Variants in MUC4 observed in about 807,000 individuals in gnomAD.
MUC4 encodes mucin 4, cell surface associated.
Under a neutral mutation model 257.9 loss-of-function variants are expected in MUC4, and 202 were observed. That is an observed-to-expected ratio of 0.78 (90% CI 0.70 to 0.88). The LOEUF is 0.88. Ranked by LOEUF, MUC4 falls within the 40% of genes least tolerant of loss-of-function variation. MUC4 has a pLI of 0.00. For missense variants in MUC4, 5,976 were observed against 6,513.7 expected (o/e 0.92, Z 2.84); for synonymous variants, 2,351 against 2,757.1 (o/e 0.85, Z 4.62).
intron 3 of MUC4, among the ~76,000 whole-genome samples, chr3:195,775,727 ATACCTTCCACACCCT>A (rs1724432752): frequency 4.8e-5 from 1 of 20,856 alleles, no homozygotes; most frequent in Non-Finnish European, 8.3e-5. Flanking sequence ...TTCCACATCC[ATACCTTCCACACCCT>A]TACCTTCCAC....
chr3:195,770,147 C>T (rs115634085), intron 6 of MUC4, 69 bp downstream of exon 6: 3 of 1,401,992 alleles, frequency 2.1e-6, no homozygotes, highest in Non-Finnish European at 1.9e-6. Flanking sequence ...GGAAGAGTGG[C>T]CCCTGCCTAG....
At position 195,762,846 on chromosome 3, in the gene MUC4, C is replaced by G; in HGVS notation, c.14344+9G>C. The G allele has an allele frequency of 6.4e-7, 1 of 1,552,010 alleles. No homozygotes were observed. The highest frequency in any genetic ancestry group is 8.7e-7 in the Non-Finnish European group (1 of 1,149,642). ...GCGGGGAGGGGGCGGCCGGCGCTCC[C>G]CAACCTACCTCCGCCGTCTTCATGG... On this transcript the variant is annotated intron_variant, in intron 13 of 24. Transcript: ENST00000463781.
rs1366729379 is a variant in MUC4, at chr3:195,762,223, G to A, written c.14376C>T (p.Leu4792=). ...AGACCTCAGAGCCGTTGCGGCTCAG[G>A]AGGACTCCGGTGGCGTTGAACGTCT... ...GQETFNATGV[L]LSRNGSEVSA... Residue 4792 remains leucine (L), a synonymous_variant, in exon 14 of 25, where the codon CTC becomes CTT. Coordinates refer to ENST00000463781, the MANE Select transcript of MUC4 (RefSeq NM_018406.7). 11 of 1,592,376 alleles carry A rather than the reference G, an allele frequency of 6.9e-6. No homozygotes were observed. Among genetic ancestry groups the A allele is most frequent in the Admixed American group, 1.7e-5 (1 of 57,270 alleles).
rs187652903 is a variant in MUC4 at position 195,760,897 on chromosome 3, C to T, written c.14835G>A (p.Ala4945=). Residue 4945 remains alanine (A), a synonymous_variant, in exon 16 of 25, where the codon GCG becomes GCA. Transcript: ENST00000463781. ...CGGGCCACTTACTGAGGGTGGCGTT[C>T]GCCTGCTCGTAGTTTTTACTGACTT... ...TREVSKNYEQ[A]NATLNQYPPS... is the part of the protein sequence containing the mutation. 49 of 1,614,094 alleles carry T rather than the reference C, an allele frequency of 3.0e-5. No homozygotes were observed. In the African/African-American group the frequency reaches 4.4e-4, roughly 14 times the overall value.
Position 195,784,497 on chromosome 3 carries a change from T to C in MUC4, c.7083A>G (p.Val2361=), listed in dbSNP as rs1484143994. The change falls in exon 2 of 25, where the codon GTA becomes GTG. Residue 2361 remains valine, a synonymous_variant. Transcript: ENST00000463781. ...GAAGAGGGGTGGTGTCACCTGTGGA[T>C]ACTGAGGAAGCGTCGGTGACATGAA... The part of the protein sequence containing the change: ...TPLHVTDASS[V]STGDTTPLPV... The C allele has an allele frequency of 9.8e-6, 15 of 1,533,712 alleles. 1 individual carries two copies. The African/African-American group carries it at 1.5e-4, about 16-fold the overall frequency.
At position 195,778,834 on chromosome 3, in the gene MUC4, G is replaced by C. The variant is rs762848672; in HGVS notation, c.12746C>G (p.Ala4249Gly). 1.2e-6 allele frequency: 2 copies of C among 1,612,086 alleles called. No individual in the cohort carries two copies. Among genetic ancestry groups the C allele is most frequent in the African/African-American group, 2.7e-5 (2 of 74,880 alleles). ...TPLAVSSATS[A>G]STVSSDSPLK... ...AGGGGAGTCCGAGGATACTGTGGAA[G>C]CTGAGGTAGCACTGCTGACAGCAAG... is the stretch of plus-strand genomic sequence containing the variant. The change falls in exon 2 of 25, where the codon GCT (alanine) becomes GGT (glycine). Residue 4249 changes from alanine to glycine, a missense_variant. Around this residue, in one of 44 missense-constraint regions of MUC4, gnomAD observed 233 missense variants for 171.2 expected, o/e 1.36. Transcript: ENST00000463781.
chr3:195,762,371 G>T, intron 13 of MUC4, 117 bp from the exon 14 acceptor site: 3 of 1,153,974 alleles, frequency 2.6e-6, no homozygotes. Context: ...AAGCCGGGAG[G>T]GGTCTGCACT....
intron 1 of MUC4, among the ~76,000 whole-genome samples, chr3:195,808,163 G>A (rs976627357): frequency 2.0e-5 from 3 of 152,144 alleles, no homozygotes; most frequent in Admixed American, 6.5e-5. Flanking sequence ...GTGCCATTCC[G>A]GGTTCAATCA....
Position 195,788,863 on chromosome 3 carries a change from C to CGGGA in MUC4, c.2713_2716dup (p.Arg906LeufsTer16). On this transcript the variant is annotated frameshift_variant, in exon 2 of 25. Transcript: ENST00000463781. LOFTEE classifies it high-confidence loss of function. ...TCTTGTCCTCTGAGTCTGGGCCATCCGGGAAATGGCGGCTGTCTCCTGAGG... is the reference window on the plus strand; with the variant it reads ...TCTTGTCCTCTGAGTCTGGGCCATCCGGGAGGGAAATGGCGGCTGTCTCCTGAGG... 6.2e-7 allele frequency: 1 copy of CGGGA among 1,613,748 alleles called. No homozygotes were observed. The highest frequency in any genetic ancestry group is 8.5e-7 in the Non-Finnish European group (1 of 1,179,812).
chr3:195,767,928 C>G (rs1291837411), intron 7 of MUC4, among the ~76,000 whole-genome samples: 1 of 124,078 alleles, frequency 8.1e-6, no homozygotes, highest in Non-Finnish European at 1.8e-5. Flanking sequence ...ACTGCCACCT[C>G]CACCGCCACT....
chr3:195,747,117 C>T lies in MUC4; in HGVS notation c.*59G>A. The T allele has an allele frequency of 6.2e-7, 1 of 1,602,932 alleles. No individual in the cohort carries two copies. Among genetic ancestry groups the T allele is most frequent in the Non-Finnish European group, 8.5e-7 (1 of 1,171,222 alleles). ...TCCAGTCTCCCAAAAGCAATGGCGC[C>T]TTAAATGTGCGGTAAGGATGAGGTG... is the stretch of plus-strand genomic sequence containing the variant. On this transcript the variant is annotated 3_prime_UTR_variant, in exon 25 of 25. Transcript: ENST00000463781.
At chr3:195,754,711 C>CATGA (rs1346667806) in intron 18 of MUC4, among the ~76,000 whole-genome samples, 1 of 150,852 alleles carries the variant, frequency 6.6e-6, no homozygotes, top group South Asian at 2.1e-4. Context: ...ATGATTGAAG[C>CATGA]ATGAATGAAT....
At position 195,752,380 on chromosome 3, in the gene MUC4, T is replaced by C. The variant is rs752650324; in HGVS notation, c.15575A>G (p.Asn5192Ser). 1.2e-6 allele frequency: 2 copies of C among 1,613,600 alleles called. No homozygotes were observed. The highest frequency in any genetic ancestry group is 1.7e-5 in the Admixed American group (1 of 60,030). ...GCGGCCTGCAGCACTGACCGAGGCG[T>C]TGACTTCTGCCATGGAGGCATTTTC... is the stretch of plus-strand genomic sequence containing the variant. Reference protein sequence around the residue: ...EEENASMAEVNASVAYRLGTL... With the variant: ...EEENASMAEVSASVAYRLGTL... The change falls in exon 21 of 25, where the codon AAC becomes AGC. Residue 5192 changes from asparagine to serine, a missense_variant. This residue lies in a region of MUC4 where 996 missense variants were observed against 1,137.3 expected (regional missense o/e 0.88). Transcript: ENST00000463781.
chr3:195,748,570 A>G (rs1354202297), intron 24 of MUC4, among the ~76,000 whole-genome samples: 1 of 152,246 alleles, frequency 6.6e-6, no homozygotes, highest in Non-Finnish European at 1.5e-5. Context: ...CTCAAAACAT[A>G]AAAATATAAA....
chr3:195,765,670 C>A (rs750161460), intron 8 of MUC4, among the ~76,000 whole-genome samples: 1 of 152,224 alleles, frequency 6.6e-6, no homozygotes, highest in Non-Finnish European at 1.5e-5. Context: ...ACAAATAGAA[C>A]TGGATTTACA....
At chr3:195,796,221 T>C (rs1248462671) in intron 1 of MUC4, among the ~76,000 whole-genome samples, 1 of 152,042 alleles carries the variant, frequency 6.6e-6, no homozygotes, top group African/African-American at 2.4e-5. Flanking sequence ...TAGCTGGGAT[T>C]ACAGGCGCAT....
At chr3:195,776,132 A>T (rs1307864455) in intron 3 of MUC4, among the ~76,000 whole-genome samples, 17 of 32,286 alleles carry the variant, frequency 5.3e-4, no homozygotes, top group African/African-American at 2.1e-3. Context: ...TTCCACACCC[A>T]TACCTTCCAC....
chr3:195,754,641 CCT>C (rs1313310080), intron 18 of MUC4, among the ~76,000 whole-genome samples: 1 of 152,260 alleles, frequency 6.6e-6, no homozygotes, highest in African/African-American at 2.4e-5. Flanking sequence ...CAGCCTCTTC[CCT>C]CTCACACTCT....
intron 4 of MUC4, 65 bp from the exon 5 acceptor site, chr3:195,771,881 G>A: frequency 6.4e-7 from 1 of 1,556,668 alleles, no homozygotes; most frequent in Non-Finnish European, 8.8e-7. Flanking sequence ...CCCAGCCTTG[G>A]TCCAGCTCCT....
Sources: allele counts gnomAD v4.1 joint callset (sites outside exome capture counted in the v4.1 genomes callset), GRCh38; gene constraint gnomAD v4.1.1; regional missense constraint gnomAD v4.1.1; transcripts MANE v1.5; gene names NCBI Gene and HGNC (gene_info 2026-07-23, HGNC 2026-07-21).